DNAH5: variants seen among roughly 807,000 people sequenced by gnomAD.
DNAH5 encodes axonemal beta dynein heavy chain 5.
In DNAH5, 372 loss-of-function variants were observed where a neutral mutation model predicts 518.2. The observed-to-expected ratio is 0.72, with a 90% confidence interval of 0.66 to 0.78. The LOEUF is 0.78. Among genes scored for constraint, DNAH5 ranks in the 30% least tolerant of loss-of-function variants. DNAH5 has a pLI of 0.00. For synonymous variants in DNAH5, 2,039 were observed against 2,025.9 expected (o/e 1.01, Z -0.17); for missense variants, 5,523 against 5,687.0 (o/e 0.97, Z 0.93).
chr5:13,997,506 C>A (rs1784050146), intron 1 of DNAH5, among the ~76,000 whole-genome samples: 1 of 152,188 alleles, frequency 6.6e-6, no homozygotes, highest in Non-Finnish European at 1.5e-5. Context: ...AAATCTCTAC[C>A]CCTGAGCTAT....
chr5:13,896,307 A>T (rs1200473256), intron 15 of DNAH5, among the ~76,000 whole-genome samples: 1 of 151,256 alleles, frequency 6.6e-6, no homozygotes, highest in Non-Finnish European at 1.5e-5. Flanking sequence ...TACTTCTCTG[A>T]TCTCATCTCC....
Position 13,721,250 on chromosome 5 carries a change from CA to C in DNAH5, c.12034-6del, listed in dbSNP as rs1179640167. 3 of 1,613,734 alleles carry C rather than the reference CA, an allele frequency of 1.9e-6. No homozygotes were observed. Among genetic ancestry groups the C allele is most frequent in the Middle Eastern group, 1.6e-4 (1 of 6,084 alleles). ...GTCCACGATGTACTTGCGGGCCTGC[CA>C]AAAACAGTATACAAGTCAGTAAAAG... On this transcript the variant is annotated splice_region_variant and splice_polypyrimidine_tract_variant and intron_variant, in intron 70 of 78. Coordinates refer to ENST00000265104, the MANE Select transcript of DNAH5 (RefSeq NM_001369.3).
intron 30 of DNAH5, among the ~76,000 whole-genome samples, chr5:13,851,963 G>A (rs1021108097): frequency 6.6e-6 from 1 of 151,934 alleles, no homozygotes; most frequent in East Asian, 1.9e-4. Context: ...CACCTGAGAA[G>A]TGAAAAGGTT....
chr5:13,751,904 G>A (rs553244205), intron 64 of DNAH5, among the ~76,000 whole-genome samples: 3 of 152,306 alleles, frequency 2.0e-5, no homozygotes, highest in African/African-American at 7.2e-5. Context: ...AAAGCTGTCA[G>A]CATCAAATGC....
At chr5:13,692,596 G>C (rs992030973) in intron 78 of DNAH5, among the ~76,000 whole-genome samples, 6 of 152,090 alleles carry the variant, frequency 3.9e-5, no homozygotes, top group Non-Finnish European at 7.4e-5. Context: ...TAAATCCCAG[G>C]ACAGAGGGTG....
rs558476697 is a variant in DNAH5, at chr5:13,931,415, T to A, written c.58-171A>T. 5.3e-5 allele frequency among the ~76,000 whole-genome samples: 8 copies of A among 152,324 alleles called. No homozygotes were observed. The East Asian group carries it at 9.6e-4, about 18-fold the overall frequency. ...CTTCTATTTTTAGAAATAATTTATT[T>A]CTCTTATGAAAATAAAGCATGCTCA... On this transcript the variant is annotated intron_variant, in intron 1 of 78. Transcript: ENST00000265104.
chr5:13,794,416 A>G (rs1394435031), intron 47 of DNAH5, among the ~76,000 whole-genome samples: 1 of 152,224 alleles, frequency 6.6e-6, no homozygotes, highest in Non-Finnish European at 1.5e-5. Flanking sequence ...ACCAGCAACA[A>G]AGTTAAACAA....
intron 47 of DNAH5, among the ~76,000 whole-genome samples, chr5:13,800,606 A>C (rs545122466): frequency 6.6e-6 from 1 of 152,202 alleles, no homozygotes; most frequent in Non-Finnish European, 1.5e-5. Context: ...TAATGTCATG[A>C]CCCCTTAAAT....
At chr5:13,708,099 G>A (rs1354611954) in intron 76 of DNAH5, 24 bp downstream of exon 76, 1 of 1,610,618 alleles carries the variant, frequency 6.2e-7, no homozygotes, top group Admixed American at 1.7e-5. Flanking sequence ...TGAACAGGCA[G>A]AATAACAGCA....
intron 70 of DNAH5, among the ~76,000 whole-genome samples, chr5:13,723,041 C>G (rs989617347): frequency 2.6e-5 from 4 of 152,192 alleles, no homozygotes; most frequent in African/African-American, 7.2e-5. Context: ...ACCTTCCTCT[C>G]TATTAGTTCA....
chr5:13,820,622 A>G, intron 40 of DNAH5, 123 bp from the exon 41 acceptor site: 2 of 1,117,154 alleles, frequency 1.8e-6, no homozygotes, highest in Non-Finnish European at 2.7e-6. Flanking sequence ...CAGGAGTTCA[A>G]GACCAGCCAG....
chr5:13,766,074 TG>T lies in DNAH5; in HGVS notation c.10002del (p.Ser3335ValfsTer3), dbSNP rs1752475762. The T allele has an allele frequency of 1.2e-6, 2 of 1,614,086 alleles. No homozygotes were observed. ...TTTTCCAGGTCAATTTTCACAGCACTGACTTTCCTTTGAAACAGCAGCAGTA... is the reference window on the plus strand; with the variant it reads ...TTTTCCAGGTCAATTTTCACAGCACTACTTTCCTTTGAAACAGCAGCAGTA... ...DCVLLLFQRK[V>X]SAVKIDLEKS... On this transcript the variant is annotated frameshift_variant, in exon 59 of 79. Transcript: ENST00000265104. LOFTEE classifies it high-confidence loss of function.
chr5:13,781,319 G>A (rs1755099278), intron 52 of DNAH5, among the ~76,000 whole-genome samples: 1 of 152,164 alleles, frequency 6.6e-6, no homozygotes, highest in Non-Finnish European at 1.5e-5. Context: ...ATGACAGGAA[G>A]GAGAACAGAA....
chr5:13,802,495 T>C (rs1295498565), intron 47 of DNAH5, among the ~76,000 whole-genome samples: 1 of 152,196 alleles, frequency 6.6e-6, no homozygotes, highest in Non-Finnish European at 1.5e-5. Context: ...ATTTCTGTAA[T>C]CCCCTATGGA....
chr5:13,973,546 T>C (rs1468701097), intron 1 of DNAH5, among the ~76,000 whole-genome samples: 1 of 152,184 alleles, frequency 6.6e-6, no homozygotes, highest in African/African-American at 2.4e-5. Flanking sequence ...TTCTCTGTGC[T>C]TCAGTTTCCT....
chr5:13,836,109 G>A (rs1764359331), intron 35 of DNAH5, among the ~76,000 whole-genome samples: 2 of 152,094 alleles, frequency 1.3e-5, no homozygotes, highest in Non-Finnish European at 2.9e-5. Flanking sequence ...TCTTTTGGGG[G>A]CCATTATACT....
At chr5:13,841,526 CT>C (rs1765163716) in intron 33 of DNAH5, among the ~76,000 whole-genome samples, 165 bp downstream of exon 33, 1 of 152,158 alleles carries the variant, frequency 6.6e-6, no homozygotes, top group South Asian at 2.1e-4. Context: ...ACCATATAAT[CT>C]GTAGTTAAAA....
chr5:13,747,717 C>T (rs1341863268), intron 65 of DNAH5, among the ~76,000 whole-genome samples: 2 of 152,090 alleles, frequency 1.3e-5, no homozygotes. Context: ...ATCCTTCGCC[C>T]GCTTGTTGAT....
rs1754211048 is a variant in DNAH5 at position 13,777,130 on chromosome 5, G to C, written c.9105+72C>G. ...GCACTTATTCACACCACTAATGGAA[G>C]AAAACATGTAGAGCTCTAAGCTGGA... is the stretch of plus-strand genomic sequence containing the variant. On this transcript the variant is annotated intron_variant, in intron 54 of 78. Transcript: ENST00000265104. 16 of 1,459,166 alleles carry C rather than the reference G, an allele frequency of 1.1e-5. No individual in the cohort carries two copies. The South Asian group carries it at 1.8e-4, about 16-fold the overall frequency. The allele number at this position is 1,459,166 out of a possible 1,614,324, so 90.4% of individuals were successfully genotyped here. A position where few individuals can be genotyped will look rare whatever the true frequency, so the allele number is the denominator to read the frequency against.
Sources: allele counts gnomAD v4.1 joint callset (sites outside exome capture counted in the v4.1 genomes callset), GRCh38; gene constraint gnomAD v4.1.1; transcripts MANE v1.5; gene names NCBI Gene and HGNC (gene_info 2026-07-23, HGNC 2026-07-21).